The following TTC12 variants were observed in gnomAD, a reference collection of about 807,000 sequenced individuals.
TTC12 encodes tetratricopeptide repeat protein 12.
Under a neutral mutation model 90.1 loss-of-function variants are expected in TTC12, and 70 were observed. That is an observed-to-expected ratio of 0.78 (90% CI 0.64 to 0.95). TTC12 has a LOEUF of 0.95. Among genes scored for constraint, TTC12 ranks in the 40% least tolerant of loss-of-function variants. TTC12 has a pLI of 0.00. For synonymous variants in TTC12, 296 were observed against 311.5 expected (o/e 0.95, Z 0.53); for missense variants, 819 against 846.1 (o/e 0.97, Z 0.40).
At chr11:113,372,386 C>T (rs1950409142) in intron 21 of TTC12, among the ~76,000 whole-genome samples, 1 of 152,208 alleles carries the variant, frequency 6.6e-6, no homozygotes, top group African/African-American at 2.4e-5. Context: ...TGAAACATCA[C>T]TTTCATTATG....
At position 113,340,557 on chromosome 11, in the gene TTC12, C is replaced by T. The variant is rs1421422650; in HGVS notation, c.827-107C>T. 8.9e-6 allele frequency: 7 copies of T among 782,864 alleles called. No homozygotes were observed. The African/African-American group carries it at 1.2e-4, about 13-fold the overall frequency. 48.5% of individuals were successfully genotyped at this position (782,864 alleles called of 1,614,324 possible). A position where few individuals can be genotyped will look rare whatever the true frequency, so the allele number is the denominator to read the frequency against. On this transcript the variant is annotated intron_variant, in intron 10 of 21. Transcript: ENST00000529221. ...TCCTGCCAAACCATTCACGTGGGTACCGTGGCATTCCATATTAGGTTTCTC... is the reference window on the plus strand; with the variant it reads ...TCCTGCCAAACCATTCACGTGGGTATCGTGGCATTCCATATTAGGTTTCTC...
chr11:113,337,891 T>G (rs1294209876), intron 8 of TTC12, among the ~76,000 whole-genome samples: 4 of 152,060 alleles, frequency 2.6e-5, no homozygotes, highest in African/African-American at 7.2e-5. Flanking sequence ...CAACAAAAAT[T>G]GTTGCTAGAT....
rs723077 is a variant in TTC12 at position 113,323,446 on chromosome 11, A to C, written c.217A>C (p.Met73Leu). ...KTMISPPQTA[M>L]KSAEEINSEA... ...TATGATCAGTCCTCCACAAACTGCTATGAAGGTTTCTTTTTCTATTGAGAA... is the reference window on the plus strand; with the variant it reads ...TATGATCAGTCCTCCACAAACTGCTCTGAAGGTTTCTTTTTCTATTGAGAA... Residue 73 changes from methionine (M) to leucine (L), a missense_variant, in exon 3 of 22, where the codon ATG (methionine) becomes CTG (leucine). Physicochemically the swap from Met to Leu is conservative, Grantham distance 15 (BLOSUM62 2). Transcript: ENST00000529221. The C allele has an allele frequency of 0.48, 751,265 of 1,573,520 alleles. 184,062 individuals are homozygous for C. Among genetic ancestry groups the C allele is most frequent in the Non-Finnish European group, 0.5 (582,899 of 1,165,200 alleles).
In TTC12 at chr11:113,324,616, G is replaced by T. The variant is rs1555140216; in HGVS notation, c.256G>T (p.Ala86Ser). ...TACCCTGCTGTCAGAGGCCTTCTTG[G>T]CATCTGTGGAGAAGGATGCAAAGGA... ...AEEINSEAFL[A>S]SVEKDAKERA... The change falls in exon 5 of 22, where the codon GCA becomes TCA. Residue 86 changes from alanine (A) to serine (S), a missense_variant. Ala to Ser is a moderately conservative substitution (Grantham distance 99). Coordinates refer to ENST00000529221, the MANE Select transcript of TTC12 (RefSeq NM_017868.4). 2 of 1,613,572 alleles carry T rather than the reference G, an allele frequency of 1.2e-6. No homozygotes were observed. The highest frequency in any genetic ancestry group is 2.7e-5 in the African/African-American group (2 of 74,858).
chr11:113,362,043 A>C (rs1210952787), intron 18 of TTC12, among the ~76,000 whole-genome samples: 2 of 152,184 alleles, frequency 1.3e-5, no homozygotes, highest in Admixed American at 1.3e-4. Context: ...TCGAAAAGAT[A>C]AAGATAAATG....
chr11:113,332,599 G>A (rs1369595128), intron 7 of TTC12, among the ~76,000 whole-genome samples: 5 of 151,842 alleles, frequency 3.3e-5, no homozygotes, highest in African/African-American at 9.7e-5. Flanking sequence ...CCCGTCTTTC[G>A]TCTCTCTACA....
At chr11:113,327,651 A>AT (rs141272069) in intron 6 of TTC12, among the ~76,000 whole-genome samples, 19 of 152,268 alleles carry the variant, frequency 1.2e-4, no homozygotes, top group Non-Finnish European at 2.2e-4. Flanking sequence ...GAAAAAAAAA[A>AT]GTAAAAGGCT....
At chr11:113,318,142 A>T (rs1947064087) in intron 2 of TTC12, among the ~76,000 whole-genome samples, 1 of 152,198 alleles carries the variant, frequency 6.6e-6, no homozygotes, top group Non-Finnish European at 1.5e-5. Flanking sequence ...AGGCCTAGAG[A>T]ATACAGTCAA....
downstream of TTC12, among the ~76,000 whole-genome samples, chr11:113,369,688 G>A (rs141093724): frequency 4.1e-4 from 63 of 152,240 alleles, no homozygotes; most frequent in African/African-American, 1.5e-3. Flanking sequence ...CTGCAGAAAA[G>A]TCACCACATT....
chr11:113,359,363 G>A lies in TTC12; in HGVS notation c.1447G>A (p.Ala483Thr). Residue 483 changes from alanine (A) to threonine (T), a missense_variant and splice_region_variant, in exon 17 of 22, where the codon GCC becomes ACC. Ala to Thr is a moderately conservative substitution (Grantham distance 58). Transcript: ENST00000529221. The stretch of plus-strand genomic sequence containing the variant: ...TGGTTACCTTGTTTTGTTTCCCAAG[G>A]CCAGGTGTGAGGAGGATGTGGACCT... ...EFGDGCLSLL[A>T]RCEEDVDLFR... is the part of the protein sequence containing the mutation. 2 of 1,602,930 alleles carry A rather than the reference G, an allele frequency of 1.2e-6. No individual in the cohort carries two copies. The highest frequency in any genetic ancestry group is 1.1e-5 in the South Asian group (1 of 90,250).
intron 2 of TTC12, among the ~76,000 whole-genome samples, chr11:113,318,588 T>C (rs1407134326): frequency 4.7e-5 from 7 of 149,968 alleles, no homozygotes; most frequent in Admixed American, 6.8e-5. Flanking sequence ...CCAGGAGTTA[T>C]AGCTTCAACA....
chr11:113,371,633 A>C (rs1364442111), intron 21 of TTC12: 2 of 152,186 alleles, frequency 1.3e-5, no homozygotes, highest in African/African-American at 2.4e-5. Flanking sequence ...CCTTTGTTCA[A>C]GAACCCTCTG....
At chr11:113,317,258 ATAAACT>A (rs1196173002) in intron 2 of TTC12, among the ~76,000 whole-genome samples, 7 of 152,122 alleles carry the variant, frequency 4.6e-5, no homozygotes, top group African/African-American at 1.2e-4. Context: ...TATCCCACAA[ATAAACT>A]TAAATGTGTC....
At chr11:113,347,981 A>C (rs1591590764) in intron 13 of TTC12, among the ~76,000 whole-genome samples, 1 of 152,094 alleles carries the variant, frequency 6.6e-6, no homozygotes, top group South Asian at 2.1e-4. Flanking sequence ...CCTCCTGGCT[A>C]TTCCTTTGTG....
intron 8 of TTC12, among the ~76,000 whole-genome samples, chr11:113,336,710 T>C (rs1182120509): frequency 1.3e-5 from 2 of 152,226 alleles, no homozygotes; most frequent in African/African-American, 2.4e-5. Flanking sequence ...TCCATTGATC[T>C]ACATGTCTGT....
Position 113,332,285 on chromosome 11 carries a change from G to C in TTC12, c.504+2306G>C, listed in dbSNP as rs534012330. ...TCGTGAGGGTCGACACATGATCAAA[G>C]GAGAGTGGGCCTATTCGTGAGAAAA... On this transcript the variant is annotated intron_variant, in intron 7 of 21. Transcript: ENST00000529221. 1.7e-3 allele frequency among the ~76,000 whole-genome samples: 253 copies of C among 152,334 alleles called. 2 individuals are homozygous for C. The highest frequency in any genetic ancestry group is 1.9e-3 in the Non-Finnish European group (128 of 68,036).
chr11:113,329,939 A>T lies in TTC12; in HGVS notation c.464A>T (p.Asp155Val). 2 of 1,613,760 alleles carry T rather than the reference A, an allele frequency of 1.2e-6. No individual in the cohort carries two copies. Among genetic ancestry groups the T allele is most frequent in the Non-Finnish European group, 1.7e-6 (2 of 1,179,634 alleles). ...NRAQAYMKLEDYEKALVDCEW... is the reference protein window; with the variant it reads ...NRAQAYMKLEVYEKALVDCEW... ...TTACAGGCTTATATGAAACTTGAGG[A>T]CTATGAGAAGGCACTGGTGGATTGT... The change falls in exon 7 of 22, where the codon GAC becomes GTC. Residue 155 changes from aspartate to valine, a missense_variant. Physicochemically the swap from Asp to Val is radical, Grantham distance 152. Transcript: ENST00000529221.
Position 113,343,037 on chromosome 11 carries a change from G to T in TTC12, c.985+1112G>T, listed in dbSNP as rs77327041. On this transcript the variant is annotated intron_variant, in intron 12 of 21. Coordinates refer to ENST00000529221, the MANE Select transcript of TTC12 (RefSeq NM_017868.4). ...ATTTTCAGATACCTGTGATGTAAAT[G>T]CTGTATCACAGGTCAATAAAATCTT... 3.1e-3 allele frequency among the ~76,000 whole-genome samples: 470 copies of T among 152,254 alleles called. 2 individuals are homozygous for T. The highest frequency in any genetic ancestry group is 4.9e-3 in the Non-Finnish European group (336 of 68,040).
At chr11:113,332,841 T>C (rs1555142945) in intron 7 of TTC12, among the ~76,000 whole-genome samples, 2 of 152,184 alleles carry the variant, frequency 1.3e-5, no homozygotes, top group Non-Finnish European at 2.9e-5. Context: ...GCTGACCTCT[T>C]TCCGTTAATG....
Sources: allele counts gnomAD v4.1 joint callset (sites outside exome capture counted in the v4.1 genomes callset), GRCh38; gene constraint gnomAD v4.1.1; transcripts MANE v1.5; gene names NCBI Gene and HGNC (gene_info 2026-07-23, HGNC 2026-07-21).